CHD9: variants seen among roughly 807,000 people sequenced by gnomAD.
CHD9 encodes the protein ATP-dependent chromatin remodeler CHD9.
In CHD9, 77 loss-of-function variants were observed where a neutral mutation model predicts 316.1. The observed-to-expected ratio is 0.24, with a 90% confidence interval of 0.20 to 0.29. The LOEUF (loss-of-function observed/expected upper bound fraction) is 0.29. Among genes scored for constraint, CHD9 ranks in the 10% least tolerant of loss-of-function variants. CHD9 has a pLI of 1.00. For synonymous variants in CHD9, 1,129 were observed against 1,158.3 expected (o/e 0.97, Z 0.51); for missense variants, 2,763 against 3,438.1 (o/e 0.80, Z 4.91).
rs1207389466 is a variant in CHD9 at position 53,155,843 on chromosome 16, C to A, written c.-164-83C>A. The A allele has an allele frequency of 6.7e-6, 3 of 444,606 alleles. No homozygotes were observed. The Admixed American group carries it at 1.2e-4, about 18-fold the overall frequency. The allele number at this position is 444,606 out of a possible 1,614,324, so 27.5% of individuals were successfully genotyped here. ...TTTGTGACTGACCTCTTTCACTTAG[C>A]ATAATGTTTTCAGAGTTCATTTTTG... On this transcript the variant is annotated intron_variant, in intron 1 of 38. Transcript: ENST00000447540.
Position 53,156,547 on chromosome 16 carries a change from A to G in CHD9, c.458A>G (p.Asn153Ser). The change falls in exon 2 of 39, where the codon AAT becomes AGT. Residue 153 changes from asparagine to serine, a missense_variant. Physicochemically the swap from Asn to Ser is conservative, Grantham distance 46 (BLOSUM62 1). Transcript: ENST00000447540. ...GGACATTCACACTCTATGCATCAAA[A>G]TAAAAGCTTTGTGGCACACCATGAC... ...QQGHSHSMHQ[N>S]KSFVAHHDFA... 1 of 1,613,994 alleles carries G rather than the reference A, an allele frequency of 6.2e-7. No individual in the cohort carries two copies. The highest frequency in any genetic ancestry group is 8.5e-7 in the Non-Finnish European group (1 of 1,179,890).
chr16:53,078,126 A>G (rs1305523839), intron 1 of CHD9, among the ~76,000 whole-genome samples: 1 of 152,208 alleles, frequency 6.6e-6, no homozygotes, highest in Non-Finnish European at 1.5e-5. Context: ...TTTATTTATT[A>G]TAGTCACCAT....
intron 10 of CHD9, among the ~76,000 whole-genome samples, chr16:53,233,372 G>A (rs1464494034): frequency 6.6e-6 from 1 of 152,172 alleles, no homozygotes; most frequent in Non-Finnish European, 1.5e-5. Flanking sequence ...AGGTCTGAGT[G>A]CAGGAGCTTC....
intron 2 of CHD9, among the ~76,000 whole-genome samples, chr16:53,195,978 G>A (rs577511899): frequency 6.6e-6 from 1 of 152,130 alleles, no homozygotes; most frequent in South Asian, 2.1e-4. Context: ...GACTGGTCTT[G>A]AATGCTTGGC....
At chr16:53,226,830 A>G (rs1296415101) in intron 5 of CHD9, among the ~76,000 whole-genome samples, 1 of 152,208 alleles carries the variant, frequency 6.6e-6, no homozygotes, top group East Asian at 1.9e-4. Flanking sequence ...CTCCTCTAAT[A>G]GTTTCCTAAA....
At chr16:53,208,193 G>A in intron 2 of CHD9, 1 of 1,144,728 alleles carries the variant, frequency 8.7e-7, no homozygotes, top group Non-Finnish European at 1.1e-6. Flanking sequence ...TTTGTGGAGG[G>A]TTGTGCATCT....
intron 1 of CHD9, among the ~76,000 whole-genome samples, chr16:53,110,107 C>G (rs1443884030): frequency 6.6e-6 from 1 of 152,182 alleles, no homozygotes; most frequent in Non-Finnish European, 1.5e-5. Context: ...CCCCAGCAGT[C>G]CCTATTGCCT....
At chr16:53,320,213 A>G (rs1441362438) in intron 37 of CHD9, among the ~76,000 whole-genome samples, 8 of 151,082 alleles carry the variant, frequency 5.3e-5, no homozygotes, top group South Asian at 2.1e-4. Flanking sequence ...AAAAAAAAAA[A>G]AAAGAAATAC....
At chr16:53,079,884 A>C (rs1161966571) in intron 1 of CHD9, among the ~76,000 whole-genome samples, 1 of 152,120 alleles carries the variant, frequency 6.6e-6, no homozygotes, top group Non-Finnish European at 1.5e-5. Flanking sequence ...GCTGTTTCTG[A>C]CTTGTGTCTT....
At chr16:53,104,716 G>C (rs1473807716) in intron 1 of CHD9, among the ~76,000 whole-genome samples, 1 of 151,632 alleles carries the variant, frequency 6.6e-6, no homozygotes, top group Non-Finnish European at 1.5e-5. Context: ...GGAGGCTGAG[G>C]CAGGAGAATT....
chr16:53,091,805 C>T (rs1411826434), intron 1 of CHD9, among the ~76,000 whole-genome samples: 1 of 152,070 alleles, frequency 6.6e-6, no homozygotes, highest in African/African-American at 2.4e-5. Context: ...TCCATTTTCC[C>T]TCTCTCCTTC....
At position 53,326,937 on chromosome 16, in the gene CHD9, TGAGA is replaced by T. The variant is rs1377825109; in HGVS notation, c.*2045_*2048del. 1 of 152,272 alleles carries T rather than the reference TGAGA, an allele frequency of 6.6e-6. No homozygotes were observed. Among genetic ancestry groups the T allele is most frequent in the Non-Finnish European group, 1.5e-5 (1 of 67,870 alleles). 9.4% of individuals were successfully genotyped at this position (152,272 alleles called of 1,614,324 possible). A position where few individuals can be genotyped will look rare whatever the true frequency, so the allele number is the denominator to read the frequency against. Reference sequence around the variant, plus strand: ...TAAAATCTAATTTATATCAAATTTATGAGAGAAAGTATTTTCCTAATTATGGTCA... The same window carrying T: ...TAAAATCTAATTTATATCAAATTTATGAAAGTATTTTCCTAATTATGGTCA... On this transcript the variant is annotated 3_prime_UTR_variant, in exon 39 of 39. Transcript: ENST00000447540.
At chr16:53,227,031 C>T (rs1025706635) in intron 5 of CHD9, 1 of 214,192 alleles carries the variant, frequency 4.7e-6, no homozygotes, top group African/African-American at 2.4e-5. Context: ...GACCCAACCA[C>T]TCAGCCACTA....
chr16:53,085,343 C>G (rs1051312663), intron 1 of CHD9, among the ~76,000 whole-genome samples: 3 of 151,936 alleles, frequency 2.0e-5, no homozygotes, highest in Admixed American at 6.6e-5. Flanking sequence ...GGGATTACCC[C>G]CAGACCCAGC....
intron 2 of CHD9, among the ~76,000 whole-genome samples, chr16:53,178,606 G>A (rs1000694034): frequency 1.3e-5 from 2 of 151,726 alleles, no homozygotes; most frequent in African/African-American, 2.4e-5. Context: ...TTAGCTGGGC[G>A]TGGTGGCATG....
chr16:53,161,489 C>T lies in CHD9; in HGVS notation c.1452+3948C>T, dbSNP rs1266059580. 2.6e-5 allele frequency among the ~76,000 whole-genome samples: 4 copies of T among 152,222 alleles called. No homozygotes were observed. The East Asian group carries it at 7.7e-4, about 29-fold the overall frequency. On this transcript the variant is annotated intron_variant, in intron 2 of 38. Coordinates refer to ENST00000447540, the MANE Select transcript of CHD9 (RefSeq NM_001308319.2). Reference sequence around the variant, plus strand: ...TTTTTCTGGGTTCTTTGTTGGGCTTCTTTAACTCTCTTAATTGTAGTAATT... The same window carrying T: ...TTTTTCTGGGTTCTTTGTTGGGCTTTTTTAACTCTCTTAATTGTAGTAATT...
intron 1 of CHD9, among the ~76,000 whole-genome samples, chr16:53,096,228 G>A (rs997789728): frequency 5.3e-5 from 8 of 151,892 alleles, no homozygotes; most frequent in African/African-American, 1.7e-4. Flanking sequence ...CAGCCAAGAC[G>A]TAAGGATTTA....
chr16:53,259,059 G>C (rs551700970), intron 19 of CHD9, among the ~76,000 whole-genome samples: 5 of 152,136 alleles, frequency 3.3e-5, no homozygotes, highest in African/African-American at 4.8e-5. Flanking sequence ...ATGGCGGAAG[G>C]AATGCATTTT....
intron 36 of CHD9, among the ~76,000 whole-genome samples, chr16:53,316,437 A>G (rs750041783): frequency 2.6e-5 from 4 of 152,172 alleles, no homozygotes; most frequent in Non-Finnish European, 5.9e-5. Context: ...CTTTCTCTTT[A>G]TCACTGCAAA....
Sources: gnomAD v4.1 joint callset for allele counts (sites outside exome capture counted in the v4.1 genomes callset) on GRCh38, gnomAD v4.1.1 for gene constraint, MANE v1.5 for transcripts, NCBI Gene and HGNC (gene_info 2026-07-23, HGNC 2026-07-21) for gene names.